MYO1D: variants seen among roughly 807,000 people sequenced by gnomAD.
MYO1D encodes myosin ID.
A neutral mutation model predicts 122.0 loss-of-function variants in MYO1D; 83 were observed. That is an observed-to-expected ratio of 0.68 (90% CI 0.57 to 0.82). MYO1D has a LOEUF of 0.82. Among genes scored for constraint, MYO1D ranks in the 40% least tolerant of loss-of-function variants. MYO1D has a pLI of 0.00. For missense variants in MYO1D, 1,157 were observed against 1,269.5 expected (o/e 0.91, Z 1.35); for synonymous variants, 464 against 446.9 (o/e 1.04, Z -0.48).
At chr17:32,510,683 C>T (rs891748161) in intron 21 of MYO1D, 8 of 152,214 alleles carry the variant, frequency 5.3e-5, no homozygotes, top group Non-Finnish European at 7.3e-5. Flanking sequence ...GGCAGGGACT[C>T]GGTGCACTGG....
chr17:32,669,652 C>T (rs1478390650), intron 16 of MYO1D, among the ~76,000 whole-genome samples: 1 of 152,184 alleles, frequency 6.6e-6, no homozygotes, highest in Non-Finnish European at 1.5e-5. Context: ...TGTTTTCCTG[C>T]TCTACAATTT....
intron 19 of MYO1D, among the ~76,000 whole-genome samples, chr17:32,652,592 ATTCTTCTGTG>A (rs1434628224): frequency 6.6e-6 from 1 of 152,196 alleles, no homozygotes; most frequent in African/African-American, 2.4e-5. Context: ...GATAATTTCA[ATTCTTCTGTG>A]TTCTTCTAAA....
intron 16 of MYO1D, among the ~76,000 whole-genome samples, chr17:32,671,033 C>A (rs1567940465): frequency 6.6e-6 from 1 of 152,246 alleles, no homozygotes; most frequent in Non-Finnish European, 1.5e-5. Flanking sequence ...TGGCCCAGGG[C>A]CATGCCTGTC....
intron 20 of MYO1D, among the ~76,000 whole-genome samples, chr17:32,607,499 GA>G (rs1308899805): frequency 6.6e-6 from 1 of 152,006 alleles, no homozygotes; most frequent in Non-Finnish European, 1.5e-5. Context: ...AAAGGCTGAT[GA>G]AAGGAATAAA....
chr17:32,510,101 A>G (rs1909638068), intron 21 of MYO1D: 1 of 152,272 alleles, frequency 6.6e-6, no homozygotes, highest in Non-Finnish European at 1.5e-5. Flanking sequence ...AGAAGCGTAG[A>G]AAGCTCAAGC....
chr17:32,729,945 A>G (rs567742480), intron 14 of MYO1D, among the ~76,000 whole-genome samples: 5 of 152,316 alleles, frequency 3.3e-5, no homozygotes, highest in Admixed American at 2.6e-4. Flanking sequence ...ACTAATAAAT[A>G]GCATATATCT....
Position 32,659,327 on chromosome 17 carries a change from GC to G in MYO1D, c.2132del (p.Gly711AlafsTer15), listed in dbSNP as rs1297669038. On this transcript the variant is annotated frameshift_variant, in exon 17 of 22. Transcript: ENST00000318217. LOFTEE classifies it high-confidence loss of function. ...IVLFLQKVWR[G>X]TLARMRYKRT... Reference sequence around the variant, plus strand: ...TTTTGTACCGCATGCGGGCCAGGGTGCCCCGCCACACCTTCACAATAGAGAA... The same window carrying G: ...TTTTGTACCGCATGCGGGCCAGGGTGCCCGCCACACCTTCACAATAGAGAA... The G allele has an allele frequency of 1.3e-5, 21 of 1,612,928 alleles. No individual in the cohort carries two copies. Among genetic ancestry groups the G allele is most frequent in the Non-Finnish European group, 1.7e-5 (20 of 1,179,668 alleles).
chr17:32,798,110 T>C (rs1163030131), intron 1 of MYO1D, among the ~76,000 whole-genome samples: 1 of 152,234 alleles, frequency 6.6e-6, no homozygotes, highest in Non-Finnish European at 1.5e-5. Flanking sequence ...CAGAATGGAT[T>C]GCATGAGTAG....
chr17:32,708,583 G>A (rs919566880), intron 16 of MYO1D, among the ~76,000 whole-genome samples: 2 of 152,132 alleles, frequency 1.3e-5, no homozygotes, highest in South Asian at 2.1e-4. Context: ...ACATGGTTAG[G>A]TGACTGATGA....
intron 1 of MYO1D, among the ~76,000 whole-genome samples, chr17:32,812,063 C>G (rs922715272): frequency 6.6e-6 from 1 of 152,138 alleles, no homozygotes; most frequent in African/African-American, 2.4e-5. Context: ...TTGGGTTTTT[C>G]TATTACTACT....
Position 32,638,816 on chromosome 17 carries a change from A to G in MYO1D, c.2615T>C (p.Val872Ala). ...AGTGACAAAAATTGCTCTGTCTTCC[A>G]CCTTACTAAATCGATTTACCTGTAA... ...HVRKVNRFSKVEDRAIFVTDR... is the reference protein window; with the variant it reads ...HVRKVNRFSKAEDRAIFVTDR... The change falls in exon 20 of 22, where the codon GTG (valine) becomes GCG (alanine). Residue 872 changes from valine (V) to alanine (A), a missense_variant. By Grantham distance (64) the Val-to-Ala change is moderately conservative. Transcript: ENST00000318217. 1 of 1,613,388 alleles carries G rather than the reference A, an allele frequency of 6.2e-7. No individual in the cohort carries two copies. Among genetic ancestry groups the G allele is most frequent in the Non-Finnish European group, 8.5e-7 (1 of 1,179,410 alleles).
intron 21 of MYO1D, among the ~76,000 whole-genome samples, chr17:32,563,205 TC>T (rs200123290): frequency 0.056 from 4,750 of 84,602 alleles, 316 homozygotes; most frequent in Middle Eastern, 0.11. Flanking sequence ...TTTTCTTCTC[TC>T]TTTTTTTTTT....
At chr17:32,845,699 C>T (rs2090931013) in intron 1 of MYO1D, among the ~76,000 whole-genome samples, 1 of 152,160 alleles carries the variant, frequency 6.6e-6, no homozygotes, top group Non-Finnish European at 1.5e-5. Context: ...AAATGCAGTT[C>T]CTCAGTTGCA....
chr17:32,718,744 T>C (rs2089475535), intron 15 of MYO1D, among the ~76,000 whole-genome samples: 1 of 151,994 alleles, frequency 6.6e-6, no homozygotes, highest in African/African-American at 2.4e-5. Flanking sequence ...TGTAACATAA[T>C]CCTCTTCTGG....
intron 1 of MYO1D, among the ~76,000 whole-genome samples, chr17:32,782,237 T>A (rs2090246268): frequency 6.6e-6 from 1 of 152,242 alleles, no homozygotes; most frequent in East Asian, 1.9e-4. Context: ...TAGAGTATTT[T>A]AACAGTTATT....
intron 21 of MYO1D, among the ~76,000 whole-genome samples, chr17:32,595,126 T>C (rs116405084): frequency 0.011 from 1,665 of 152,204 alleles, 27 homozygotes; most frequent in African/African-American, 0.038. Flanking sequence ...GAGACATTCA[T>C]ATGGTGGTAT....
chr17:32,645,199 C>T (rs984015094), intron 19 of MYO1D, among the ~76,000 whole-genome samples: 26 of 152,212 alleles, frequency 1.7e-4, no homozygotes, highest in East Asian at 1.2e-3. Context: ...TATGAAATTG[C>T]GGGTTGAAAA....
At position 32,787,441 on chromosome 17, in the gene MYO1D, C is replaced by T. The variant is rs1446329472; in HGVS notation, c.96-6657G>A. Among the ~76,000 whole-genome samples the T allele has an allele frequency of 9.9e-4, 148 of 148,982 alleles. 1 individual carries two copies. The highest frequency in any genetic ancestry group is 2.8e-4 in the Non-Finnish European group (19 of 67,366). On this transcript the variant is annotated intron_variant, in intron 1 of 21. Coordinates refer to ENST00000318217, the MANE Select transcript of MYO1D (RefSeq NM_015194.3). ...TGTACTCTTTTTTTTTTTTTTGAGA[C>T]GGAGTCTCACTTTGTCGCCCAGGCT...
intron 19 of MYO1D, among the ~76,000 whole-genome samples, chr17:32,652,648 C>A (rs1256069176): frequency 6.6e-6 from 1 of 151,812 alleles, no homozygotes; most frequent in African/African-American, 2.4e-5. Flanking sequence ...AGACTAGCTA[C>A]GTCCTTTGCC....
Sources: gnomAD v4.1 joint callset for allele counts (sites outside exome capture counted in the v4.1 genomes callset) on GRCh38, gnomAD v4.1.1 for gene constraint, MANE v1.5 for transcripts, NCBI Gene and HGNC (gene_info 2026-07-23, HGNC 2026-07-21) for gene names.